Variants in GDA observed in about 807,000 individuals in gnomAD.
GDA encodes cytoplasmic PSD-95 interactor.
In GDA, 18 loss-of-function variants were observed where a neutral mutation model predicts 59.6. The ratio of observed to expected loss-of-function variants is 0.30; its 90% CI spans 0.21 to 0.45. The LOEUF is 0.45. GDA is among the 20% of genes least tolerant of loss of function. The probability of loss-of-function intolerance (pLI) is 1.00; values close to 1 mark genes in which losing one functional copy is unlikely to be tolerated. For synonymous variants in GDA, 201 were observed against 201.1 expected (o/e 1.00, Z 0.00); for missense variants, 427 against 552.3 (o/e 0.77, Z 2.27).
At chr9:72,206,815 CT>C (rs377050954) in intron 3 of GDA, among the ~76,000 whole-genome samples, 1 of 151,996 alleles carries the variant, frequency 6.6e-6, no homozygotes, top group African/African-American at 2.4e-5. Context: ...ATGAGCTTTG[CT>C]TTTTATTTTG....
intron 1 of GDA, among the ~76,000 whole-genome samples, chr9:72,143,280 C>T (rs1391665979): frequency 6.6e-6 from 1 of 151,584 alleles, no homozygotes; most frequent in Non-Finnish European, 1.5e-5. Context: ...CAGGCATGCA[C>T]CACCATGCCC....
chr9:72,172,546 C>T (rs1218402249), intron 1 of GDA, among the ~76,000 whole-genome samples: 1 of 152,150 alleles, frequency 6.6e-6, no homozygotes, highest in African/African-American at 2.4e-5. Context: ...TAGGGGTTGA[C>T]ATCTTTAACT....
At chr9:72,146,681 G>A (rs552464340), upstream of GDA, among the ~76,000 whole-genome samples, 5 of 152,236 alleles carry the variant, frequency 3.3e-5, no homozygotes, top group African/African-American at 7.2e-5. Context: ...TGGTAGAGAC[G>A]GGGTTTCACC....
chr9:72,257,569 T>G (rs891124245), downstream of GDA: 8 of 152,280 alleles, frequency 5.3e-5, no homozygotes, highest in Non-Finnish European at 8.8e-5. Context: ...ACCTGGAGCC[T>G]GAACCTGGAA....
intron 1 of GDA, among the ~76,000 whole-genome samples, chr9:72,150,053 A>C (rs1207577537): frequency 1.3e-5 from 2 of 152,158 alleles, no homozygotes; most frequent in African/African-American, 4.8e-5. Context: ...TCCAACACCT[A>C]GCACTGTGCC....
chr9:72,247,765 A>G (rs1445293341), intron 13 of GDA, among the ~76,000 whole-genome samples: 2 of 152,208 alleles, frequency 1.3e-5, no homozygotes, highest in East Asian at 3.8e-4. Flanking sequence ...ACAAATGTAT[A>G]GTAGAGTCTC....
intron 3 of GDA, among the ~76,000 whole-genome samples, chr9:72,203,947 G>A (rs1223484981): frequency 2.0e-5 from 3 of 151,940 alleles, no homozygotes; most frequent in African/African-American, 4.8e-5. Context: ...CTCCCAAGTA[G>A]CTGAGATTAC....
chr9:72,227,317 A>T (rs1352464117), intron 8 of GDA, among the ~76,000 whole-genome samples: 2 of 152,196 alleles, frequency 1.3e-5, no homozygotes, highest in Non-Finnish European at 2.9e-5. Flanking sequence ...GATCAATTTT[A>T]CTTTCTGAAT....
chr9:72,199,464 C>T (rs1214495608), intron 2 of GDA, among the ~76,000 whole-genome samples: 2 of 152,190 alleles, frequency 1.3e-5, no homozygotes, highest in Admixed American at 6.5e-5. Context: ...CTTTCACTCT[C>T]TCATCTCAGC....
At chr9:72,124,283 T>C (rs961287116) in intron 1 of GDA, among the ~76,000 whole-genome samples, 1 of 152,194 alleles carries the variant, frequency 6.6e-6, no homozygotes, top group Non-Finnish European at 1.5e-5. Flanking sequence ...ATCAGAGAAG[T>C]TTCTGTTGCA....
chr9:72,125,083 C>T (rs4745160), intron 1 of GDA, among the ~76,000 whole-genome samples: 23,906 of 152,184 alleles, frequency 0.16, 2,481 homozygotes, highest in East Asian at 0.51. Flanking sequence ...TTATTAATGG[C>T]ATTGATCTAG....
At chr9:72,223,578 C>T (rs905577464) in intron 7 of GDA, among the ~76,000 whole-genome samples, 8 of 152,188 alleles carry the variant, frequency 5.3e-5, no homozygotes, top group Non-Finnish European at 8.8e-5. Context: ...TTCTCTTTCA[C>T]TTGATACTTT....
At chr9:72,149,400 G>C, upstream of GDA, 3 of 698,428 alleles carry the variant, frequency 4.3e-6, no homozygotes, top group South Asian at 4.0e-5. Flanking sequence ...CCCTGGGCGC[G>C]GCCTGCAGGG....
intron 7 of GDA, among the ~76,000 whole-genome samples, chr9:72,224,985 T>C (rs1837368245): frequency 6.6e-6 from 1 of 152,136 alleles, no homozygotes; most frequent in Non-Finnish European, 1.5e-5. Context: ...AGCTCTTTTC[T>C]TAAACGGCCA....
rs112045510 is a variant in GDA at position 72,122,634 on chromosome 9, TACACACAC to T, written c.-100+7825_-100+7832del. Among the ~76,000 whole-genome samples, 37 of 147,448 alleles carry T rather than the reference TACACACAC, an allele frequency of 2.5e-4. 1 individual carries two copies. The highest frequency in any genetic ancestry group is 8.0e-4 in the East Asian group (4 of 5,030). ...TGCTTTTGGAAAAAATGTATACATT[TACACACAC>T]ACACACACACACACACACACACAGA... is the stretch of plus-strand genomic sequence containing the variant. On this transcript the variant is annotated intron_variant, in intron 1 of 13. Transcript: ENST00000545168.
At chr9:72,116,027 A>G (rs901918988) in intron 1 of GDA, among the ~76,000 whole-genome samples, 1 of 152,146 alleles carries the variant, frequency 6.6e-6, no homozygotes, top group East Asian at 1.9e-4. Flanking sequence ...TGAGGTTGGG[A>G]GTTCGAGACC....
chr9:72,217,141 T>C (rs1836234731), intron 5 of GDA, among the ~76,000 whole-genome samples: 2 of 152,250 alleles, frequency 1.3e-5, no homozygotes, highest in African/African-American at 4.8e-5. Flanking sequence ...TATACTTCAA[T>C]ATAAATAGTT....
At chr9:72,216,317 A>G (rs547096989) in intron 5 of GDA, among the ~76,000 whole-genome samples, 2 of 152,338 alleles carry the variant, frequency 1.3e-5, no homozygotes, top group Non-Finnish European at 2.9e-5. Flanking sequence ...GGGTGGTTGC[A>G]TTTCCAGCAC....
In GDA at chr9:72,200,292, A is replaced by G. The variant is rs558550250; in HGVS notation, c.213-2279A>G. On this transcript the variant is annotated intron_variant, in intron 2 of 13. Coordinates refer to ENST00000358399, the MANE Select transcript of GDA (RefSeq NM_004293.5). ...ATTACAGGCGTGAGCCACCGTGCCC[A>G]GCCTCCTCTCCTTCTTTTCTTCTGC... is the stretch of plus-strand genomic sequence containing the variant. Among the ~76,000 whole-genome samples, 25 of 151,358 alleles carry G rather than the reference A, an allele frequency of 1.7e-4. No homozygotes were observed. The South Asian group carries it at 1.7e-3, about 10-fold the overall frequency.
Sources: allele counts gnomAD v4.1 joint callset (sites outside exome capture counted in the v4.1 genomes callset), GRCh38; gene constraint gnomAD v4.1.1; transcripts MANE v1.5; gene names NCBI Gene and HGNC (gene_info 2026-07-23, HGNC 2026-07-21).